NTRK2: variants seen among roughly 807,000 people sequenced by gnomAD.
The protein encoded by NTRK2 is BDNF/NT-3 growth factors receptor.
A neutral mutation model predicts 94.5 loss-of-function variants in NTRK2; 13 were observed. The ratio of observed to expected loss-of-function variants is 0.14; its 90% CI spans 0.09 to 0.22. The LOEUF (loss-of-function observed/expected upper bound fraction) is 0.22. Ranked by LOEUF, NTRK2 falls within the 10% of genes least tolerant of loss-of-function variation. NTRK2 has a pLI of 1.00. For synonymous variants in NTRK2, 372 were observed against 407.4 expected, an observed-to-expected ratio of 0.91 and a Z score of 1.05; for missense variants, 639 against 1,071.2, an observed-to-expected ratio of 0.60 and a Z score of 5.63.
chr9:84,671,067 CAA>C, intron 2 of NTRK2, 107 bp downstream of exon 2: 2 of 1,086,998 alleles, frequency 1.8e-6, no homozygotes, highest in Non-Finnish European at 2.7e-6. Flanking sequence ...GGGGAGAAGT[CAA>C]AGACAAGGGA....
intron 12 of NTRK2, among the ~76,000 whole-genome samples, chr9:84,787,547 T>C (rs2068252044): frequency 6.6e-6 from 1 of 152,180 alleles, no homozygotes; most frequent in African/African-American, 2.4e-5. Flanking sequence ...TAAACAGTAA[T>C]GACTCTGTCA....
At chr9:84,791,376 GA>G (rs1456862077) in intron 12 of NTRK2, among the ~76,000 whole-genome samples, 3 of 151,952 alleles carry the variant, frequency 2.0e-5, no homozygotes, top group African/African-American at 4.8e-5. Context: ...AATTAAAAAG[GA>G]AAAAAATGAG....
At chr9:84,784,606 G>A (rs966765794) in intron 12 of NTRK2, among the ~76,000 whole-genome samples, 2 of 152,166 alleles carry the variant, frequency 1.3e-5, no homozygotes, top group African/African-American at 4.8e-5. Context: ...TTCAGACATC[G>A]ATTTTCTCTG....
chr9:84,932,548 G>A lies in NTRK2; in HGVS notation c.1634-1614G>A, dbSNP rs544826460. 3.5e-4 allele frequency among the ~76,000 whole-genome samples: 53 copies of A among 152,110 alleles called. No individual in the cohort carries two copies. In the South Asian group the frequency reaches 9.8e-3, roughly 28 times the overall value. ...CTGCAGATATATGGTTTATATTTTC[G>A]TATAATGCAGTTCACAATCAATTAA... On this transcript the variant is annotated intron_variant, in intron 14 of 18. Coordinates refer to ENST00000277120, the MANE Select transcript of NTRK2 (RefSeq NM_006180.6).
intron 12 of NTRK2, among the ~76,000 whole-genome samples, chr9:84,793,246 T>C (rs185447456): frequency 6.6e-6 from 1 of 151,944 alleles, no homozygotes; most frequent in Non-Finnish European, 1.5e-5. Context: ...GAAAATACCA[T>C]ATTGAGAACA....
intron 17 of NTRK2, among the ~76,000 whole-genome samples, chr9:84,960,365 A>C (rs1302982879): frequency 1.3e-5 from 2 of 152,258 alleles, no homozygotes; most frequent in African/African-American, 4.8e-5. Context: ...TGGAAAATAT[A>C]GTCCTGAGCC....
At position 84,951,664 on chromosome 9, in the gene NTRK2, T is replaced by A. The variant is rs577799393; in HGVS notation, c.1937+3030T>A. 6.6e-5 allele frequency among the ~76,000 whole-genome samples: 10 copies of A among 152,316 alleles called. No homozygotes were observed. In the South Asian group the frequency reaches 2.1e-3, roughly 32 times the overall value. ...GGCACCTGGTTCTCCCTTGGCACCT[T>A]GCACAGGGTGTGGAGCAATTGGAAA... is the stretch of plus-strand genomic sequence containing the variant. On this transcript the variant is annotated intron_variant, in intron 16 of 18. Transcript: ENST00000277120.
rs541673636 is a variant in NTRK2, at chr9:84,787,213, G to A, written c.1396+35128G>A. On this transcript the variant is annotated intron_variant, in intron 12 of 18. Transcript: ENST00000277120. ...CGTGGGAGGCTGAGGCAGGAGAATC[G>A]CTTGAACTTGGGAGGTGGAGGTTGC... Among the ~76,000 whole-genome samples, 6 of 152,122 alleles carry A rather than the reference G, an allele frequency of 3.9e-5. No homozygotes were observed. The South Asian group carries it at 6.2e-4, about 16-fold the overall frequency.
intron 12 of NTRK2, among the ~76,000 whole-genome samples, chr9:84,804,434 C>T (rs550657238): frequency 6.6e-6 from 1 of 152,112 alleles, no homozygotes; most frequent in Non-Finnish European, 1.5e-5. Flanking sequence ...CAAATTGATT[C>T]CCAGATCCAC....
intron 17 of NTRK2, among the ~76,000 whole-genome samples, chr9:85,014,009 C>T (rs1470518931): frequency 2.0e-5 from 3 of 152,198 alleles, no homozygotes; most frequent in Non-Finnish European, 4.4e-5. Flanking sequence ...TGCTTTGGGT[C>T]TGTGGAAAGG....
intron 17 of NTRK2, among the ~76,000 whole-genome samples, chr9:84,968,996 C>T (rs949205447): frequency 2.6e-5 from 4 of 152,114 alleles, no homozygotes; most frequent in African/African-American, 4.8e-5. Flanking sequence ...GATACATTGA[C>T]GTCACATTTT....
chr9:84,941,948 A>G (rs1248665180), intron 15 of NTRK2, among the ~76,000 whole-genome samples: 2 of 152,210 alleles, frequency 1.3e-5, no homozygotes, highest in African/African-American at 4.8e-5. Flanking sequence ...GTTAGATCTG[A>G]GCTGGAAGAG....
At chr9:84,759,014 A>G (rs1472717797) in intron 12 of NTRK2, among the ~76,000 whole-genome samples, 1 of 152,346 alleles carries the variant, frequency 6.6e-6, no homozygotes, top group East Asian at 1.9e-4. Flanking sequence ...TCCCAGCTTC[A>G]AGTGGAGTTC....
chr9:84,812,452 G>A lies in NTRK2; in HGVS notation c.1397-48588G>A, dbSNP rs899673082. 6.6e-6 allele frequency: 7 copies of A among 1,053,458 alleles called. No homozygotes were observed. In the East Asian group the frequency reaches 2.7e-4, roughly 40 times the overall value. The allele number at this position is 1,053,458 out of a possible 1,614,324, so 65.3% of individuals were successfully genotyped here. A position where few individuals can be genotyped will look rare whatever the true frequency, so the allele number is the denominator to read the frequency against. ...TAAGGGCAGCTGGCCCCCAATGTGG[G>A]GAGGTCCGAACATTTTCTGAATTCC... On this transcript the variant is annotated intron_variant, in intron 12 of 18. Coordinates refer to ENST00000277120, the MANE Select transcript of NTRK2 (RefSeq NM_006180.6).
chr9:84,834,564 C>A (rs141093391), intron 12 of NTRK2, among the ~76,000 whole-genome samples: 5 of 152,250 alleles, frequency 3.3e-5, no homozygotes, highest in African/African-American at 1.2e-4. Flanking sequence ...CCCCTAGAAG[C>A]ATTGTTCTAG....
intron 12 of NTRK2, among the ~76,000 whole-genome samples, chr9:84,753,475 T>G (rs1315396245): frequency 6.6e-6 from 1 of 152,182 alleles, no homozygotes; most frequent in Non-Finnish European, 1.5e-5. Context: ...TTGCCCTGGT[T>G]GTTGTGTTCT....
intron 12 of NTRK2, among the ~76,000 whole-genome samples, chr9:84,830,651 A>G (rs932133181): frequency 6.6e-6 from 1 of 152,162 alleles, no homozygotes; most frequent in South Asian, 2.1e-4. Flanking sequence ...AAATATGCTC[A>G]TACCCTATGC....
chr9:84,698,284 T>G (rs1326240801), intron 2 of NTRK2, among the ~76,000 whole-genome samples: 1 of 152,130 alleles, frequency 6.6e-6, no homozygotes, highest in Non-Finnish European at 1.5e-5. Context: ...ACAGATTGTT[T>G]TATGTTACAT....
In NTRK2 at chr9:85,021,494, T is replaced by C; in HGVS notation, c.*57T>C. On this transcript the variant is annotated 3_prime_UTR_variant, in exon 19 of 19. Coordinates refer to ENST00000277120, the MANE Select transcript of NTRK2 (RefSeq NM_006180.6). ...GTACTCCTCAGACGGGCTGAGAGGATGAACATCTTTTAACTGCCGCTGGAG... is the reference window on the plus strand; with the variant it reads ...GTACTCCTCAGACGGGCTGAGAGGACGAACATCTTTTAACTGCCGCTGGAG... 3.2e-6 allele frequency: 5 copies of C among 1,574,402 alleles called. No individual in the cohort carries two copies. Among genetic ancestry groups the C allele is most frequent in the Non-Finnish European group, 4.4e-6 (5 of 1,144,488 alleles).
Sources: allele counts gnomAD v4.1 joint callset (sites outside exome capture counted in the v4.1 genomes callset), GRCh38; gene constraint gnomAD v4.1.1; transcripts MANE v1.5; gene names NCBI Gene and HGNC (gene_info 2026-07-23, HGNC 2026-07-21).